PUDP: variants seen among roughly 807,000 people sequenced by gnomAD.
PUDP encodes the protein pseudouridine 5'-phosphatase, also known as pseudouridine-5'-phosphatase.
PUDP carries 8 observed loss-of-function variants against 9.4 expected under a neutral mutation model. The observed-to-expected ratio is 0.85, with a 90% confidence interval of 0.50 to 1.53. The LOEUF (loss-of-function observed/expected upper bound fraction) is 1.53, where lower values mean the gene tolerates loss of function less well. PUDP is among the 40% of genes most tolerant of loss of function. PUDP has a pLI of 0.00. For synonymous variants in PUDP, 99 were observed against 80.7 expected (o/e 1.23, Z -1.22); for missense variants, 188 against 189.7 (o/e 0.99, Z 0.05).
At chrX:7,146,704 G>T (rs746954811) in intron 1 of PUDP, among the ~76,000 whole-genome samples, 1 of 111,155 alleles carries the variant, frequency 9.0e-6, no homozygotes, top group East Asian at 2.8e-4. Flanking sequence ...CAGAAACAAG[G>T]TCACATTCAC....
intron 3 of PUDP, among the ~76,000 whole-genome samples, chrX:6,750,967 G>A (rs939753840): frequency 1.0e-4 from 11 of 110,202 alleles, no homozygotes; most frequent in African/African-American, 2.6e-4. Context: ...GTAAAACCCC[G>A]TCTCTAGCAA....
chrX:6,998,780 G>A (rs780823524), intron 1 of PUDP, among the ~76,000 whole-genome samples: 1 of 112,063 alleles, frequency 8.9e-6, no homozygotes, highest in South Asian at 3.7e-4. Context: ...CAGTGTGAGT[G>A]GTATTATAGT....
downstream of PUDP, among the ~76,000 whole-genome samples, chrX:7,048,574 C>T (rs1219656197): frequency 8.9e-6 from 1 of 112,263 alleles, no homozygotes; most frequent in East Asian, 2.8e-4. Context: ...GACATGAGAT[C>T]AAATTTACCC....
intron 1 of PUDP, among the ~76,000 whole-genome samples, chrX:7,111,868 T>C (rs760131565): frequency 9.0e-6 from 1 of 111,455 alleles, no homozygotes; most frequent in Non-Finnish European, 1.9e-5. Flanking sequence ...GGGAATGCTT[T>C]TGTTAACCGT....
intron 3 of PUDP, among the ~76,000 whole-genome samples, chrX:6,807,823 T>G (rs367712887): frequency 2.7e-5 from 3 of 112,291 alleles, no homozygotes; most frequent in East Asian, 5.6e-4. Flanking sequence ...ATACTCCAGT[T>G]GGCTGAAATC....
intron 3 of PUDP, among the ~76,000 whole-genome samples, chrX:6,804,257 T>C (rs1419741529): frequency 8.9e-6 from 1 of 111,754 alleles, no homozygotes; most frequent in African/African-American, 3.3e-5. Context: ...CATAACCCCT[T>C]TGATTCCCGT....
chrX:6,769,787 C>T (rs938880790), intron 3 of PUDP, among the ~76,000 whole-genome samples: 24 of 112,130 alleles, frequency 2.1e-4, no homozygotes, highest in African/African-American at 6.2e-4. Flanking sequence ...GTGAGCCTAG[C>T]GCCTGGGCTC....
rs539043546 is a variant in PUDP at position 7,094,443 on chromosome X, G to A, written c.280+11177C>T. Among the ~76,000 whole-genome samples, 359 of 101,948 alleles carry A rather than the reference G, an allele frequency of 3.5e-3. 3 individuals are homozygous for A. Among genetic ancestry groups the A allele is most frequent in the Non-Finnish European group, 5.2e-3 (268 of 51,189 alleles). 88.5% of individuals were successfully genotyped at this position (101,948 alleles called of 115,157 possible). A position where few individuals can be genotyped will look rare whatever the true frequency, so the allele number is the denominator to read the frequency against. ...GTGATCTTGGCTCACTGCAAGCTCC[G>A]CCCCGCGGGTTCACGCCTTTCTCCT... On this transcript the variant is annotated intron_variant, in intron 2 of 3. Transcript: ENST00000381077.
At chrX:6,714,922 A>G (rs1363217207) in intron 1 of PUDP, among the ~76,000 whole-genome samples, 1 of 110,623 alleles carries the variant, frequency 9.0e-6, no homozygotes, top group Non-Finnish European at 1.9e-5. Flanking sequence ...TAGACCCAAT[A>G]GGATATGTAT....
chrX:6,795,391 T>C (rs1244288469), intron 3 of PUDP, among the ~76,000 whole-genome samples: 1 of 111,727 alleles, frequency 9.0e-6, no homozygotes, highest in East Asian at 2.8e-4. Flanking sequence ...AGACAGTTTC[T>C]ACACACAGTA....
At chrX:6,750,883 C>G (rs1037623865) in intron 3 of PUDP, among the ~76,000 whole-genome samples, 7 of 111,374 alleles carry the variant, frequency 6.3e-5, no homozygotes, top group Non-Finnish European at 9.4e-5. Flanking sequence ...CTCACACCTC[C>G]AATCCCAGCA....
intron 1 of PUDP, among the ~76,000 whole-genome samples, chrX:6,714,877 A>T (rs1924579672): frequency 1.8e-5 from 2 of 111,125 alleles, no homozygotes; most frequent in African/African-American, 6.5e-5. Context: ...CTCAGAACTT[A>T]TGTGTCCTAA....
chrX:7,038,887 C>G (rs56352061), intron 1 of PUDP, among the ~76,000 whole-genome samples: 2 of 111,730 alleles, frequency 1.8e-5, no homozygotes, highest in Non-Finnish European at 3.8e-5. Flanking sequence ...CATTCATTCA[C>G]TTATGTATGC....
chrX:6,796,031 C>A (rs1408281304), intron 3 of PUDP, among the ~76,000 whole-genome samples: 1 of 112,056 alleles, frequency 8.9e-6, no homozygotes, highest in African/African-American at 3.2e-5. Flanking sequence ...GATCTCCGGA[C>A]AACTAGCAGC....
chrX:6,889,880 G>C (rs1927487665), intron 3 of PUDP, among the ~76,000 whole-genome samples: 1 of 111,364 alleles, frequency 9.0e-6, no homozygotes, highest in African/African-American at 3.3e-5. Context: ...CTCACGGGCT[G>C]TGAGGAAACA....
chrX:6,914,815 C>G (rs1927904514), intron 3 of PUDP, among the ~76,000 whole-genome samples: 2 of 112,369 alleles, frequency 1.8e-5, no homozygotes, highest in South Asian at 7.3e-4. Context: ...AAATAGAGCC[C>G]AATTCTTTAC....
At chrX:7,045,741 C>T (rs1929975869), downstream of PUDP, among the ~76,000 whole-genome samples, 3 of 111,852 alleles carry the variant, frequency 2.7e-5, no homozygotes, top group Middle Eastern at 4.7e-3. Flanking sequence ...ACAAGATCAA[C>T]ACAAAGTAAG....
At chrX:6,880,116 T>A (rs1352075839) in intron 3 of PUDP, among the ~76,000 whole-genome samples, 1 of 110,502 alleles carries the variant, frequency 9.0e-6, no homozygotes, top group Non-Finnish European at 1.9e-5. Flanking sequence ...TTTTTTTTTT[T>A]AATTTCAATA....
intron 3 of PUDP, among the ~76,000 whole-genome samples, chrX:6,972,387 T>C (rs1428103508): frequency 2.7e-5 from 3 of 112,243 alleles, no homozygotes; most frequent in Non-Finnish European, 5.6e-5. Context: ...GTTCCATCAA[T>C]ACCTAGTTTA....
Sources: gnomAD v4.1 joint callset for allele counts (sites outside exome capture counted in the v4.1 genomes callset) on GRCh38, gnomAD v4.1.1 for gene constraint, MANE v1.5 for transcripts, NCBI Gene and HGNC (gene_info 2026-07-23, HGNC 2026-07-21) for gene names.